The following SOX6 variants were observed in gnomAD, a reference collection of about 807,000 sequenced individuals.
SOX6 encodes SRY-box transcription factor 6.
SOX6 carries 11 observed loss-of-function variants against 97.8 expected under a neutral mutation model. The observed-to-expected ratio is 0.11, with a 90% CI of 0.07 to 0.19. The LOEUF is 0.19. Among genes scored for constraint, SOX6 ranks in the 10% least tolerant of loss-of-function variants. SOX6 has a pLI of 1.00. For synonymous variants in SOX6, 360 were observed against 371.4 expected, an observed-to-expected ratio of 0.97 and a Z score of 0.35; for missense variants, 810 against 1,039.5, an observed-to-expected ratio of 0.78 and a Z score of 3.04.
In SOX6 at chr11:16,186,893, T is replaced by C. The variant is rs1203075329; in HGVS notation, c.598A>G (p.Ser200Gly). ...QLSTMITQLISLREQLLAAHD... is the reference protein window; with the variant it reads ...QLSTMITQLIGLREQLLAAHD... ...GCTGCCAGTAGCTGCTCCCGTAAAC[T>C]GATCAGCTGGGTAATCATGGTGGAG... is the stretch of plus-strand genomic sequence containing the variant. Residue 200 changes from serine to glycine, a missense_variant, in exon 5 of 16, where the codon AGT becomes GGT. Transcript: ENST00000683767. The C allele has an allele frequency of 6.2e-6, 10 of 1,613,734 alleles. No individual in the cohort carries two copies. Among genetic ancestry groups the C allele is most frequent in the Non-Finnish European group, 3.4e-6 (4 of 1,179,838 alleles).
chr11:16,303,213 CATA>C (rs759096225), intron 3 of SOX6, among the ~76,000 whole-genome samples: 1 of 152,034 alleles, frequency 6.6e-6, no homozygotes, highest in Non-Finnish European at 1.5e-5. Context: ...TCCTTTTAAT[CATA>C]ATATTATTTA....
chr11:16,444,977 C>T (rs1276868028), intron 1 of SOX6, among the ~76,000 whole-genome samples: 1 of 152,180 alleles, frequency 6.6e-6, no homozygotes, highest in Non-Finnish European at 1.5e-5. Context: ...ACAAAGTTAA[C>T]TTCCACATAG....
chr11:16,729,580 C>T (rs2134059022), intron 2 of SOX6, among the ~76,000 whole-genome samples: 1 of 152,226 alleles, frequency 6.6e-6, no homozygotes, highest in Admixed American at 6.5e-5. Flanking sequence ...CTGAAGGAAG[C>T]ACTAAACATG....
intron 1 of SOX6, among the ~76,000 whole-genome samples, chr11:16,410,451 C>T (rs1300908801): frequency 4.6e-5 from 7 of 151,840 alleles, no homozygotes; most frequent in African/African-American, 9.7e-5. Context: ...ACATTAAATT[C>T]GTTTTTAAAA....
chr11:16,349,071 A>T (rs144085471), intron 1 of SOX6, among the ~76,000 whole-genome samples: 3 of 152,266 alleles, frequency 2.0e-5, no homozygotes, highest in South Asian at 4.1e-4. Flanking sequence ...AAAATTTGAC[A>T]TGGTTCTCCC....
At chr11:16,386,269 C>T (rs1456112379) in intron 1 of SOX6, among the ~76,000 whole-genome samples, 1 of 118,140 alleles carries the variant, frequency 8.5e-6, no homozygotes, top group Non-Finnish European at 1.7e-5. Context: ...GCAGGAAACA[C>T]AAAACAAAGA....
At chr11:16,285,962 A>G (rs1336830895) in intron 3 of SOX6, among the ~76,000 whole-genome samples, 1 of 152,194 alleles carries the variant, frequency 6.6e-6, no homozygotes, top group Non-Finnish European at 1.5e-5. Flanking sequence ...TTTGGCATAG[A>G]AAAATAAAAT....
chr11:16,608,057 G>A (rs1848356548), intron 4 of SOX6, among the ~76,000 whole-genome samples: 1 of 152,006 alleles, frequency 6.6e-6, no homozygotes, highest in African/African-American at 2.4e-5. Flanking sequence ...AAAGAAGAGA[G>A]AAAGTCGGGG....
At chr11:16,447,307 T>C (rs1322309853) in intron 1 of SOX6, among the ~76,000 whole-genome samples, 3 of 152,180 alleles carry the variant, frequency 2.0e-5, no homozygotes, top group Non-Finnish European at 2.9e-5. Context: ...TCTGGCTCTA[T>C]CATTTACTGT....
chr11:16,702,357 G>T (rs1472187738), intron 3 of SOX6, among the ~76,000 whole-genome samples: 2 of 152,162 alleles, frequency 1.3e-5, no homozygotes, highest in Non-Finnish European at 2.9e-5. Context: ...ATAGAAATAA[G>T]TAATTTCCAA....
At chr11:16,113,494 C>T (rs950385399) in intron 6 of SOX6, among the ~76,000 whole-genome samples, 3 of 152,156 alleles carry the variant, frequency 2.0e-5, no homozygotes, top group Admixed American at 1.3e-4. Context: ...TGAAGAAAAG[C>T]ACCGGGTTTG....
intron 15 of SOX6, among the ~76,000 whole-genome samples, chr11:15,985,638 A>G (rs1286821888): frequency 1.3e-5 from 2 of 152,226 alleles, no homozygotes; most frequent in Non-Finnish European, 2.9e-5. Flanking sequence ...AGACTTGAAG[A>G]TATCAAAAGC....
intron 4 of SOX6, among the ~76,000 whole-genome samples, chr11:16,206,809 A>T (rs1852083659): frequency 6.6e-6 from 1 of 152,192 alleles, no homozygotes; most frequent in Non-Finnish European, 1.5e-5. Context: ...ATAATCACAG[A>T]CACTTTCATT....
intron 4 of SOX6, among the ~76,000 whole-genome samples, chr11:16,525,218 C>A (rs1298236625): frequency 2.6e-5 from 4 of 152,158 alleles, no homozygotes; most frequent in Admixed American, 2.6e-4. Flanking sequence ...ACCACGCTAC[C>A]TGACTTCAAA....
At chr11:16,424,350 T>A (rs1289052786) in intron 1 of SOX6, among the ~76,000 whole-genome samples, 1 of 152,232 alleles carries the variant, frequency 6.6e-6, no homozygotes, top group Non-Finnish European at 1.5e-5. Context: ...TATACACTAT[T>A]GTAACTGACT....
chr11:16,699,810 A>G (rs1848079953), intron 3 of SOX6, among the ~76,000 whole-genome samples: 1 of 152,178 alleles, frequency 6.6e-6, no homozygotes, highest in Admixed American at 6.5e-5. Context: ...TTGCTCTTGT[A>G]TTACTTATTC....
chr11:16,676,775 A>G (rs1050504355), intron 3 of SOX6, among the ~76,000 whole-genome samples: 3 of 152,182 alleles, frequency 2.0e-5, no homozygotes, highest in African/African-American at 7.2e-5. Context: ...TGGGCTTCGT[A>G]TATGTTGAGC....
chr11:16,517,993 C>A (rs75342655), intron 4 of SOX6, among the ~76,000 whole-genome samples: 2,008 of 152,224 alleles, frequency 0.013, 49 homozygotes, highest in African/African-American at 0.045. Context: ...ATTCTAATAT[C>A]TTCTGTCTAT....
At chr11:16,478,340 G>T (rs1860289909), upstream of SOX6, among the ~76,000 whole-genome samples, 1 of 152,170 alleles carries the variant, frequency 6.6e-6, no homozygotes, top group South Asian at 2.1e-4. Flanking sequence ...AAAAGAAAAT[G>T]TGACCAGAAA....
Sources: allele counts gnomAD v4.1 joint callset (sites outside exome capture counted in the v4.1 genomes callset), GRCh38; gene constraint gnomAD v4.1.1; transcripts MANE v1.5; gene names NCBI Gene and HGNC (gene_info 2026-07-23, HGNC 2026-07-21).